Variants in SOX5 observed in about 807,000 individuals in gnomAD.
The protein encoded by SOX5 is SRY-box transcription factor 5, also known as transcription factor SOX-5.
A neutral mutation model predicts 92.0 loss-of-function variants in SOX5; 9 were observed. That is an observed-to-expected ratio of 0.10 (90% CI 0.06 to 0.17). The LOEUF (loss-of-function observed/expected upper bound fraction) is 0.17, where lower values mean the gene tolerates loss of function less well. Ranked by LOEUF, SOX5 falls within the 10% of genes least tolerant of loss-of-function variation. SOX5 has a pLI of 1.00. For missense variants in SOX5, 642 were observed against 944.5 expected (o/e 0.68, Z 4.20); for synonymous variants, 344 against 336.3 (o/e 1.02, Z -0.25).
intron 4 of SOX5, among the ~76,000 whole-genome samples, chr12:23,968,495 G>C (rs1388313413): frequency 6.6e-6 from 1 of 152,168 alleles, no homozygotes; most frequent in African/African-American, 2.4e-5. Context: ...GAGTGGGTTT[G>C]TTATCACGGG....
chr12:23,628,844 C>T (rs991349001), intron 8 of SOX5, among the ~76,000 whole-genome samples: 3 of 151,274 alleles, frequency 2.0e-5, no homozygotes, highest in Admixed American at 6.6e-5. Flanking sequence ...TCAAATAGGG[C>T]TCTATTTTCA....
intron 2 of SOX5, among the ~76,000 whole-genome samples, chr12:24,352,398 TG>T (rs1311777885): frequency 4.6e-5 from 7 of 152,090 alleles, no homozygotes; most frequent in Non-Finnish European, 7.4e-5. Context: ...GAATAACATA[TG>T]GGGCTTCAGT....
chr12:24,221,005 C>T (rs1361638657), intron 3 of SOX5, among the ~76,000 whole-genome samples: 2 of 152,202 alleles, frequency 1.3e-5, no homozygotes, highest in African/African-American at 4.8e-5. Flanking sequence ...GTTAACTCCA[C>T]TTAACAAATG....
chr12:23,957,843 TC>T lies in SOX5; in HGVS notation c.-1-61820del, dbSNP rs1224773660. On this transcript the variant is annotated intron_variant, in intron 4 of 4. Transcript: ENST00000446891. ...CTTAAATTTATACCCGTATTTTAAA[TC>T]ATCTATATATTAAAATCTTAATGTA... is the stretch of plus-strand genomic sequence containing the variant. 2.6e-5 allele frequency among the ~76,000 whole-genome samples: 4 copies of T among 152,290 alleles called. No individual in the cohort carries two copies. The East Asian group carries it at 7.7e-4, about 29-fold the overall frequency.
intron 1 of SOX5, among the ~76,000 whole-genome samples, chr12:24,461,427 A>G (rs577709817): frequency 6.6e-6 from 1 of 152,178 alleles, no homozygotes; most frequent in Non-Finnish European, 1.5e-5. Context: ...TTTTTGCCCA[A>G]ATGCATAAAA....
intron 3 of SOX5, among the ~76,000 whole-genome samples, chr12:23,788,532 G>A (rs1389444430): frequency 2.6e-5 from 4 of 151,746 alleles, no homozygotes; most frequent in Middle Eastern, 3.4e-3. Context: ...GTCAAAGCAC[G>A]GTTTAATAAA....
At chr12:24,010,338 A>G (rs1281751066) in intron 4 of SOX5, among the ~76,000 whole-genome samples, 1 of 152,214 alleles carries the variant, frequency 6.6e-6, no homozygotes, top group Non-Finnish European at 1.5e-5. Context: ...AAGATAATAA[A>G]TATGTGTAAG....
At chr12:23,676,696 A>G (rs1342486947) in intron 6 of SOX5, among the ~76,000 whole-genome samples, 1 of 152,222 alleles carries the variant, frequency 6.6e-6, no homozygotes, top group Non-Finnish European at 1.5e-5. Flanking sequence ...CCTCTGAACT[A>G]TGTAGTGTAA....
intron 5 of SOX5, among the ~76,000 whole-genome samples, chr12:23,739,351 A>C (rs762341593): frequency 6.6e-6 from 1 of 152,268 alleles, no homozygotes; most frequent in Non-Finnish European, 1.5e-5. Context: ...CCATTTTCCT[A>C]CTATGTATAT....
chr12:23,807,824 T>G (rs1247373278), intron 3 of SOX5, among the ~76,000 whole-genome samples: 1 of 151,882 alleles, frequency 6.6e-6, no homozygotes, highest in African/African-American at 2.4e-5. Flanking sequence ...ATTTTTGTAT[T>G]TTTAGTAGAG....
intron 4 of SOX5, among the ~76,000 whole-genome samples, chr12:24,065,621 T>G (rs1447372688): frequency 8.0e-6 from 1 of 124,726 alleles, no homozygotes; most frequent in African/African-American, 3.3e-5. Flanking sequence ...CACTCCAGCC[T>G]GGCGACAGAG....
intron 8 of SOX5, among the ~76,000 whole-genome samples, chr12:23,637,139 T>A (rs565762973): frequency 2.0e-5 from 3 of 152,158 alleles, no homozygotes; most frequent in Non-Finnish European, 2.9e-5. Flanking sequence ...AAAATATATA[T>A]CCCCTCCACA....
At chr12:23,766,545 G>T (rs1567593803) in intron 3 of SOX5, among the ~76,000 whole-genome samples, 1 of 151,860 alleles carries the variant, frequency 6.6e-6, no homozygotes, top group Non-Finnish European at 1.5e-5. Flanking sequence ...AACACTGACG[G>T]GTTATTAAAA....
chr12:24,313,088 G>A (rs1263425013), intron 2 of SOX5, among the ~76,000 whole-genome samples: 1 of 152,160 alleles, frequency 6.6e-6, no homozygotes. Flanking sequence ...GTGAGCACAA[G>A]AAGTTACATG....
intron 4 of SOX5, among the ~76,000 whole-genome samples, chr12:24,083,798 G>T (rs1421438768): frequency 1.3e-5 from 2 of 151,990 alleles, no homozygotes; most frequent in African/African-American, 2.4e-5. Context: ...ATCATAATGA[G>T]GAATAATTAG....
At chr12:23,731,622 A>G (rs971504166) in intron 6 of SOX5, among the ~76,000 whole-genome samples, 1 of 152,180 alleles carries the variant, frequency 6.6e-6, no homozygotes, top group Non-Finnish European at 1.5e-5. Flanking sequence ...GGAAAATATT[A>G]TCTTTCCTGT....
intron 4 of SOX5, among the ~76,000 whole-genome samples, chr12:24,189,369 C>T (rs546582430): frequency 6.6e-6 from 1 of 152,184 alleles, no homozygotes; most frequent in Non-Finnish European, 1.5e-5. Context: ...GGCTCTTTCT[C>T]ATATTCCAGT....
At chr12:24,384,290 G>T (rs1365531550) in intron 1 of SOX5, among the ~76,000 whole-genome samples, 1 of 152,136 alleles carries the variant, frequency 6.6e-6, no homozygotes, top group Non-Finnish European at 1.5e-5. Flanking sequence ...TAGTGCCATG[G>T]CTGCTCTGAT....
chr12:24,099,699 C>G (rs1593154515), intron 4 of SOX5, among the ~76,000 whole-genome samples: 1 of 152,080 alleles, frequency 6.6e-6, no homozygotes, highest in Non-Finnish European at 1.5e-5. Context: ...AACTACATTT[C>G]AAATCCAAGC....
Sources: gnomAD v4.1 joint callset for allele counts (sites outside exome capture counted in the v4.1 genomes callset) on GRCh38, gnomAD v4.1.1 for gene constraint, MANE v1.5 for transcripts, NCBI Gene and HGNC (gene_info 2026-07-23, HGNC 2026-07-21) for gene names.